NEO1: variants seen among roughly 807,000 people sequenced by gnomAD.
NEO1 encodes neogenin 1, also known as neogenin.
In NEO1, 63 loss-of-function variants were observed where a neutral mutation model predicts 159.7. That is an observed-to-expected ratio of 0.39 (90% CI 0.32 to 0.49). The LOEUF (loss-of-function observed/expected upper bound fraction) is 0.49. Ranked by LOEUF, NEO1 falls within the 20% of genes least tolerant of loss-of-function variation. The pLI is 0.85. For missense variants in NEO1, 1,615 were observed against 1,831.0 expected (o/e 0.88, Z 2.15); for synonymous variants, 633 against 662.0 (o/e 0.96, Z 0.67).
intron 23 of NEO1, 44 bp downstream of exon 23, chr15:73,283,155 C>T (rs1351514620): frequency 3.7e-6 from 6 of 1,608,464 alleles, no homozygotes; most frequent in Non-Finnish European, 5.1e-6. Context: ...GGCATCTTAT[C>T]TTTTGCTTCC....
chr15:73,300,069 A>G (rs1487294695), intron 27 of NEO1: 1 of 152,220 alleles, frequency 6.6e-6, no homozygotes, highest in African/African-American at 2.4e-5. Flanking sequence ...TGATACTAAA[A>G]TATCACACAT....
chr15:73,117,235 T>C (rs1195611943), intron 2 of NEO1, among the ~76,000 whole-genome samples: 1 of 152,210 alleles, frequency 6.6e-6, no homozygotes, highest in Non-Finnish European at 1.5e-5. Flanking sequence ...TGCAGTAAAG[T>C]CAGAATCCTG....
intron 3 of NEO1, 140 bp from the exon 4 acceptor site, chr15:73,126,277 C>T (rs1236186571): frequency 1.6e-6 from 1 of 641,256 alleles, no homozygotes; most frequent in African/African-American, 1.8e-5. Flanking sequence ...GCTATATTGC[C>T]TACGCTGGTC....
Position 73,052,727 on chromosome 15 carries a change from C to A in NEO1, c.52C>A (p.Leu18Ile). Residue 18 changes from leucine to isoleucine, a missense_variant, in exon 1 of 29, where the codon CTC becomes ATC. Physicochemically the swap from Leu to Ile is conservative, Grantham distance 5. Around this residue, in one of 3 missense-constraint regions of NEO1, gnomAD observed 1,018 missense variants for 1,115.4 expected, o/e 0.91. Transcript: ENST00000261908. ...RRLLSTPSFW[L>I]YCLLLLGRRA... ...ACTCCTCAGCACCCCCTCCTTCTGG[C>A]TCTACTGCCTGCTGCTGCTCGGGCG... 1.5e-6 allele frequency: 2 copies of A among 1,344,562 alleles called. No individual in the cohort carries two copies. Among genetic ancestry groups the A allele is most frequent in the South Asian group, 1.7e-5 (1 of 59,630 alleles). 83.3% of individuals were successfully genotyped at this position (1,344,562 alleles called of 1,614,324 possible). A position where few individuals can be genotyped will look rare whatever the true frequency, so the allele number is the denominator to read the frequency against.
At position 73,122,570 on chromosome 15, in the gene NEO1, C is replaced by T. The variant is rs771481487; in HGVS notation, c.494C>T (p.Ala165Val). 5.6e-6 allele frequency: 9 copies of T among 1,613,986 alleles called. No individual in the cohort carries two copies. Among genetic ancestry groups the T allele is most frequent in the Non-Finnish European group, 7.6e-6 (9 of 1,179,992 alleles). The change falls in exon 3 of 29, where the codon GCT (alanine) becomes GTT (valine). Residue 165 changes from alanine (A) to valine (V), a missense_variant. By Grantham distance (64) the Ala-to-Val change is moderately conservative (BLOSUM62 0). Around this residue, in one of 3 missense-constraint regions of NEO1, gnomAD observed 1,018 missense variants for 1,115.4 expected, o/e 0.91. Transcript: ENST00000261908. ...CAACCAGAACCTTCCTCAGTTTATG[C>T]TGGGAACAATGCAATTCTGAATTGT... ...TSQPEPSSVY[A>V]GNNAILNCEV...
At chr15:73,149,546 A>T (rs1417842381) in intron 5 of NEO1, among the ~76,000 whole-genome samples, 1 of 152,154 alleles carries the variant, frequency 6.6e-6, no homozygotes, top group South Asian at 2.1e-4. Context: ...TTACGTGTCA[A>T]CTATGTCTTT....
At chr15:73,236,267 CAAT>C in intron 7 of NEO1, 77 bp from the exon 8 acceptor site, 1 of 1,602,436 alleles carries the variant, frequency 6.2e-7, no homozygotes, top group Non-Finnish European at 8.5e-7. Flanking sequence ...TCATATTCCC[CAAT>C]GTTTGCACAT....
intron 14 of NEO1, among the ~76,000 whole-genome samples, chr15:73,259,448 C>T (rs758797237): frequency 5.3e-5 from 8 of 151,246 alleles, no homozygotes; most frequent in Non-Finnish European, 8.8e-5. Flanking sequence ...CAGCCTCGAC[C>T]TCCCATGCTT....
chr15:73,230,738 A>C (rs1396591764), intron 7 of NEO1, among the ~76,000 whole-genome samples: 1 of 152,082 alleles, frequency 6.6e-6, no homozygotes, highest in Non-Finnish European at 1.5e-5. Flanking sequence ...CTACAGGTGC[A>C]CACCAGCATG....
chr15:73,273,483 CT>C (rs2151048551), intron 19 of NEO1, among the ~76,000 whole-genome samples: 1 of 152,262 alleles, frequency 6.6e-6, no homozygotes, highest in Non-Finnish European at 1.5e-5. Flanking sequence ...GCGCAGTGCC[CT>C]TTTGCTGTGG....
intron 14 of NEO1, among the ~76,000 whole-genome samples, 168 bp from the exon 15 acceptor site, chr15:73,260,103 A>G (rs1402482591): frequency 4.1e-5 from 6 of 147,540 alleles, no homozygotes; most frequent in African/African-American, 1.3e-4. Flanking sequence ...CAGTAAAATC[A>G]TGGGCTGTAT....
In NEO1 at chr15:73,158,939, G is replaced by A. The variant is rs557754503; in HGVS notation, c.1016-17464G>A. On this transcript the variant is annotated intron_variant, in intron 5 of 28. Transcript: ENST00000261908. ...AGCAGATCCAGCTTTTTTGAGGTCT[G>A]CAGTGAAAACTACTTTGGAGGCCTT... Among the ~76,000 whole-genome samples, 23 of 152,284 alleles carry A rather than the reference G, an allele frequency of 1.5e-4. 1 individual carries two copies. The South Asian group carries it at 2.1e-3, about 14-fold the overall frequency.
intron 7 of NEO1, among the ~76,000 whole-genome samples, chr15:73,216,880 GC>G (rs1303179343): frequency 1.3e-5 from 2 of 152,096 alleles, no homozygotes; most frequent in Non-Finnish European, 2.9e-5. Flanking sequence ...TCTGTAGGTT[GC>G]CTGTTCACTC....
chr15:73,233,922 C>T (rs2039043406), intron 7 of NEO1, among the ~76,000 whole-genome samples: 4 of 152,132 alleles, frequency 2.6e-5, no homozygotes, highest in Admixed American at 2.6e-4. Flanking sequence ...ATTATTATTC[C>T]TAATTTACAG....
At chr15:73,102,661 C>T (rs933286457) in intron 1 of NEO1, among the ~76,000 whole-genome samples, 1 of 152,130 alleles carries the variant, frequency 6.6e-6, no homozygotes, top group African/African-American at 2.4e-5. Flanking sequence ...GTTCTCTTGT[C>T]CTCTGACCTC....
chr15:73,075,742 G>C lies in NEO1; in HGVS notation c.130+22937G>C, dbSNP rs117927479. The stretch of plus-strand genomic sequence containing the variant: ...TGCCCAATCAGTTGAGCCAAATAGT[G>C]CTGTCCTATTGTAAAATTGTTTAAT... On this transcript the variant is annotated intron_variant, in intron 1 of 28. Coordinates refer to ENST00000261908, the MANE Select transcript of NEO1 (RefSeq NM_002499.4). Among the ~76,000 whole-genome samples the C allele has an allele frequency of 4.9e-3, 750 of 152,234 alleles. 2 individuals are homozygous for C. The highest frequency in any genetic ancestry group is 7.2e-3 in the Non-Finnish European group (492 of 68,014).
At chr15:73,243,602 CA>C (rs2039600315) in intron 8 of NEO1, among the ~76,000 whole-genome samples, 1 of 152,176 alleles carries the variant, frequency 6.6e-6, no homozygotes, top group Admixed American at 6.5e-5. Flanking sequence ...GTTGGTCACA[CA>C]GACCCCAAGA....
At chr15:73,295,798 C>G (rs2042341651) in intron 26 of NEO1, among the ~76,000 whole-genome samples, 1 of 152,194 alleles carries the variant, frequency 6.6e-6, no homozygotes, top group African/African-American at 2.4e-5. Context: ...GGGCCAGTCT[C>G]TGCTCTAAGG....
intron 5 of NEO1, among the ~76,000 whole-genome samples, chr15:73,158,554 A>G (rs996611872): frequency 2.0e-5 from 3 of 151,552 alleles, no homozygotes; most frequent in Non-Finnish European, 4.4e-5. Flanking sequence ...CACCCAGCTA[A>G]TTTTTGTATT....
Sources: allele counts gnomAD v4.1 joint callset (sites outside exome capture counted in the v4.1 genomes callset), GRCh38; gene constraint gnomAD v4.1.1; regional missense constraint gnomAD v4.1.1; transcripts MANE v1.5; gene names NCBI Gene and HGNC (gene_info 2026-07-23, HGNC 2026-07-21).